GRIK4: variants seen among roughly 807,000 people sequenced by gnomAD.
GRIK4 encodes the protein glutamate receptor ionotropic, kainate 4.
In GRIK4, 40 loss-of-function variants were observed where a neutral mutation model predicts 104.9. That is an observed-to-expected ratio of 0.38 (90% CI 0.30 to 0.50). GRIK4 has a LOEUF of 0.50. Ranked by LOEUF, GRIK4 falls within the 20% of genes least tolerant of loss-of-function variation. The pLI is 0.93. For synonymous variants in GRIK4, 485 were observed against 524.9 expected, an observed-to-expected ratio of 0.92 and a Z score of 1.04; for missense variants, 1,047 against 1,308.1, an observed-to-expected ratio of 0.80 and a Z score of 3.08.
At chr11:120,621,683 G>A (rs531148340) in intron 1 of GRIK4, among the ~76,000 whole-genome samples, 1 of 152,260 alleles carries the variant, frequency 6.6e-6, no homozygotes, top group African/African-American at 2.4e-5. Context: ...TACTAACTAT[G>A]TAAACTTGCC....
At chr11:120,774,947 G>A (rs1362013041) in intron 3 of GRIK4, among the ~76,000 whole-genome samples, 1 of 152,176 alleles carries the variant, frequency 6.6e-6, no homozygotes, top group Non-Finnish European at 1.5e-5. Flanking sequence ...TCTACCACAG[G>A]GGTGAGAGAC....
At chr11:120,561,103 A>G (rs1238701988) in intron 1 of GRIK4, among the ~76,000 whole-genome samples, 1 of 152,144 alleles carries the variant, frequency 6.6e-6, no homozygotes, top group Non-Finnish European at 1.5e-5. Context: ...GGAAGGTGAG[A>G]AATTAAAATT....
At chr11:120,898,493 C>G (rs151301514) in intron 11 of GRIK4, 39 bp from the exon 12 acceptor site, 1 of 1,174,022 alleles carries the variant, frequency 8.5e-7, no homozygotes, top group Non-Finnish European at 1.3e-6. Context: ...GCTCTGGAGG[C>G]CACCATTTCT....
intron 2 of GRIK4, among the ~76,000 whole-genome samples, chr11:120,655,928 C>T (rs4245041): frequency 0.6 from 90,561 of 151,806 alleles, 27,639 homozygotes; most frequent in East Asian, 0.73. Flanking sequence ...AGAGATGTCA[C>T]CAGGCAGATG....
intron 13 of GRIK4, among the ~76,000 whole-genome samples, chr11:120,917,293 G>GA (rs1943130992): frequency 8.6e-6 from 1 of 116,678 alleles, no homozygotes; most frequent in Non-Finnish European, 1.9e-5. Flanking sequence ...AAGAAAGAAA[G>GA]AAAAAAGAAA....
At position 120,752,779 on chromosome 11, in the gene GRIK4, C is replaced by T. The variant is rs186573012; in HGVS notation, c.83-49914C>T. ...GGCCTTGCTCCTCTTTGGCTCTGCT[C>T]GAGGGCCACCTGTTGTCACTGTTTG... On this transcript the variant is annotated intron_variant, in intron 3 of 20. Transcript: ENST00000527524. 5.2e-4 allele frequency among the ~76,000 whole-genome samples: 79 copies of T among 152,290 alleles called. 1 individual carries two copies. The highest frequency in any genetic ancestry group is 1.8e-3 in the African/African-American group (74 of 41,562).
chr11:120,796,226 G>A (rs1472134181), intron 3 of GRIK4, among the ~76,000 whole-genome samples: 5 of 151,934 alleles, frequency 3.3e-5, no homozygotes, highest in Non-Finnish European at 7.4e-5. Context: ...TAGTAGAGAC[G>A]GGGTTTCACC....
intron 19 of GRIK4, among the ~76,000 whole-genome samples, chr11:120,975,006 G>T (rs1466053442): frequency 1.3e-5 from 2 of 152,200 alleles, no homozygotes; most frequent in Non-Finnish European, 2.9e-5. Context: ...ACAATTGCTA[G>T]ACAAAAAGGT....
intron 6 of GRIK4, among the ~76,000 whole-genome samples, chr11:120,826,465 G>A (rs1953262696): frequency 6.6e-6 from 1 of 152,186 alleles, no homozygotes; most frequent in African/African-American, 2.4e-5. Flanking sequence ...CACCTCCCAG[G>A]GCAGTCAGGA....
chr11:120,534,290 C>T (rs143580251), intron 1 of GRIK4, among the ~76,000 whole-genome samples: 125 of 152,182 alleles, frequency 8.2e-4, no homozygotes, highest in Non-Finnish European at 1.4e-3. Flanking sequence ...AAGAAGGTGA[C>T]GGATTCAGTT....
Position 120,787,852 on chromosome 11 carries a change from CTTTTTTTTTTTTTTTTT to C in GRIK4, c.83-14828_83-14812del, listed in dbSNP as rs58523604. On this transcript the variant is annotated intron_variant, in intron 3 of 20. Transcript: ENST00000527524. The stretch of plus-strand genomic sequence containing the variant: ...TTTCTTCTCTTTTTTCTTTTCTTTT[CTTTTTTTTTTTTTTTTT>C]TTTTTTTTTTTTGAGATGGAGTCTC... Among the ~76,000 whole-genome samples, 48 of 77,114 alleles carry C rather than the reference CTTTTTTTTTTTTTTTTT, an allele frequency of 6.2e-4. 1 individual carries two copies. Among genetic ancestry groups the C allele is most frequent in the African/African-American group, 2.5e-3 (40 of 16,214 alleles). 50.6% of individuals were successfully genotyped at this position (77,114 alleles called of 152,430 possible).
At chr11:120,962,172 G>C (rs1215738554) in intron 17 of GRIK4, among the ~76,000 whole-genome samples, 1 of 152,218 alleles carries the variant, frequency 6.6e-6, no homozygotes, top group African/African-American at 2.4e-5. Flanking sequence ...GAGCTCTTGA[G>C]GGTAGATGAG....
intron 14 of GRIK4, among the ~76,000 whole-genome samples, chr11:120,944,139 ACTCTCT>A (rs1487471875): frequency 6.8e-6 from 1 of 147,018 alleles, no homozygotes; most frequent in Non-Finnish European, 1.5e-5. Flanking sequence ...TTTAAAAGTC[ACTCTCT>A]CTCTGTCTCT....
At chr11:120,726,274 C>A (rs1255608239) in intron 3 of GRIK4, among the ~76,000 whole-genome samples, 1 of 152,098 alleles carries the variant, frequency 6.6e-6, no homozygotes, top group Non-Finnish European at 1.5e-5. Flanking sequence ...TTATTGTTTG[C>A]AGTAGAAAGC....
intron 13 of GRIK4, among the ~76,000 whole-genome samples, chr11:120,916,560 G>A (rs1022506223): frequency 3.3e-5 from 5 of 152,196 alleles, no homozygotes; most frequent in Non-Finnish European, 7.3e-5. Flanking sequence ...GGAATCTCTA[G>A]TCTGAAAATC....
At chr11:120,809,932 G>A (rs1400639813) in intron 4 of GRIK4, among the ~76,000 whole-genome samples, 1 of 152,170 alleles carries the variant, frequency 6.6e-6, no homozygotes, top group Non-Finnish European at 1.5e-5. Flanking sequence ...AAGAATGGTG[G>A]CATGCACCTG....
intron 11 of GRIK4, among the ~76,000 whole-genome samples, chr11:120,892,482 G>A (rs1955332733): frequency 6.6e-6 from 1 of 152,168 alleles, no homozygotes; most frequent in Non-Finnish European, 1.5e-5. Flanking sequence ...TAGGGTGGAG[G>A]CTGGGGAGGG....
chr11:120,576,906 G>A (rs1177762118), intron 1 of GRIK4, among the ~76,000 whole-genome samples: 2 of 152,202 alleles, frequency 1.3e-5, no homozygotes, highest in Non-Finnish European at 2.9e-5. Context: ...CTTAGCTCCT[G>A]CCTGAGTCGG....
intron 1 of GRIK4, among the ~76,000 whole-genome samples, chr11:120,558,452 G>A (rs900825681): frequency 7.9e-5 from 12 of 152,180 alleles, no homozygotes; most frequent in African/African-American, 2.9e-4. Flanking sequence ...GCTGGGTGTG[G>A]TGGTGTGCGC....
Sources: allele counts gnomAD v4.1 joint callset (sites outside exome capture counted in the v4.1 genomes callset), GRCh38; gene constraint gnomAD v4.1.1; transcripts MANE v1.5; gene names NCBI Gene and HGNC (gene_info 2026-07-23, HGNC 2026-07-21).